The following PIP4K2A variants were observed in gnomAD, a reference collection of about 807,000 sequenced individuals.
The protein encoded by PIP4K2A is phosphatidylinositol-5-phosphate 4-kinase type 2 alpha, also known as phosphatidylinositol 5-phosphate 4-kinase type-2 alpha.
Under a neutral mutation model 42.9 loss-of-function variants are expected in PIP4K2A, and 14 were observed. That is an observed-to-expected ratio of 0.33 (90% CI 0.22 to 0.51). PIP4K2A has a LOEUF of 0.51. Ranked by LOEUF, PIP4K2A falls within the 20% of genes least tolerant of loss-of-function variation. The pLI is 0.97. For synonymous variants in PIP4K2A, 192 were observed against 192.2 expected (o/e 1.00, Z 0.01); for missense variants, 434 against 519.8 (o/e 0.83, Z 1.61).
chr10:22,707,490 C>G (rs2130926198), intron 1 of PIP4K2A, among the ~76,000 whole-genome samples: 1 of 152,330 alleles, frequency 6.6e-6, no homozygotes, highest in East Asian at 1.9e-4. Flanking sequence ...CAATGATTTT[C>G]TTTCTATGAA....
intron 1 of PIP4K2A, among the ~76,000 whole-genome samples, chr10:22,641,307 A>G (rs1214985039): frequency 3.3e-5 from 5 of 152,222 alleles, no homozygotes; most frequent in Admixed American, 3.3e-4. Context: ...CTGGCTTAAC[A>G]AGGCCACTCT....
At chr10:22,568,213 C>G (rs1836896624) in intron 5 of PIP4K2A, among the ~76,000 whole-genome samples, 1 of 152,242 alleles carries the variant, frequency 6.6e-6, no homozygotes, top group African/African-American at 2.4e-5. Context: ...TTACTCAACA[C>G]TGGATCAGCC....
intron 1 of PIP4K2A, among the ~76,000 whole-genome samples, chr10:22,644,042 C>T (rs1033732011): frequency 3.3e-5 from 5 of 152,188 alleles, no homozygotes; most frequent in Admixed American, 2.6e-4. Flanking sequence ...TAATCACCAT[C>T]CCCAGCTGGA....
chr10:22,579,467 C>T (rs192567371), intron 4 of PIP4K2A, among the ~76,000 whole-genome samples: 4 of 152,316 alleles, frequency 2.6e-5, no homozygotes, highest in East Asian at 1.9e-4. Context: ...CACAGAGTCA[C>T]GTGCACAACA....
chr10:22,640,608 G>T (rs537045406), intron 1 of PIP4K2A, among the ~76,000 whole-genome samples: 144 of 152,314 alleles, frequency 9.5e-4, no homozygotes, highest in Non-Finnish European at 1.9e-3. Flanking sequence ...GGGATTGCCT[G>T]TCCTCTGTGT....
intron 1 of PIP4K2A, among the ~76,000 whole-genome samples, chr10:22,701,241 G>C (rs759976591): frequency 3.3e-5 from 5 of 152,220 alleles, no homozygotes. Context: ...ATGTAATGGA[G>C]AGTGTGAATG....
intron 3 of PIP4K2A, among the ~76,000 whole-genome samples, chr10:22,605,894 T>C (rs886535742): frequency 7.9e-5 from 12 of 151,978 alleles, no homozygotes; most frequent in African/African-American, 2.9e-4. Context: ...TCTTTAAATT[T>C]AGTAATGGTT....
At chr10:22,584,090 G>A (rs1024570332) in intron 4 of PIP4K2A, among the ~76,000 whole-genome samples, 1 of 152,226 alleles carries the variant, frequency 6.6e-6, no homozygotes, top group Admixed American at 6.5e-5. Flanking sequence ...GGTTGGGCAA[G>A]TCACTGTGTG....
chr10:22,689,989 GA>G (rs143016223), intron 1 of PIP4K2A, among the ~76,000 whole-genome samples: 4,916 of 150,618 alleles, frequency 0.033, 255 homozygotes, highest in African/African-American at 0.11. Flanking sequence ...CCTGCAGGGG[GA>G]AAAAAAAATC....
At chr10:22,573,840 C>G (rs888775498) in intron 4 of PIP4K2A, among the ~76,000 whole-genome samples, 1 of 152,244 alleles carries the variant, frequency 6.6e-6, no homozygotes, top group African/African-American at 2.4e-5. Flanking sequence ...AAGGCTGAGG[C>G]AGAGCAACCT....
chr10:22,643,245 T>C (rs1015314865), intron 1 of PIP4K2A, among the ~76,000 whole-genome samples: 2 of 152,112 alleles, frequency 1.3e-5, no homozygotes, highest in Non-Finnish European at 2.9e-5. Flanking sequence ...CTACATCCTA[T>C]GGGCAAATCT....
intron 1 of PIP4K2A, among the ~76,000 whole-genome samples, chr10:22,696,556 T>C (rs1159086817): frequency 6.6e-6 from 1 of 152,176 alleles, no homozygotes; most frequent in Admixed American, 6.5e-5. Context: ...CTTTTTTCAA[T>C]CTTGCAGACA....
intron 6 of PIP4K2A, among the ~76,000 whole-genome samples, chr10:22,558,126 T>C (rs771268415): frequency 1.3e-5 from 2 of 152,254 alleles, no homozygotes; most frequent in Non-Finnish European, 2.9e-5. Flanking sequence ...TTTGATACGC[T>C]GTCACTGTGA....
intron 6 of PIP4K2A, among the ~76,000 whole-genome samples, chr10:22,558,848 TAA>T (rs368593929): frequency 1.6e-3 from 247 of 152,342 alleles, no homozygotes; most frequent in African/African-American, 5.0e-3. Flanking sequence ...GGAGAAGCGT[TAA>T]GTTATAACTG....
chr10:22,623,367 C>T (rs764326432), intron 1 of PIP4K2A, among the ~76,000 whole-genome samples: 8 of 152,088 alleles, frequency 5.3e-5, no homozygotes, highest in South Asian at 2.1e-4. Context: ...AAAGTGCTCA[C>T]GAAGGAAGCG....
intron 1 of PIP4K2A, among the ~76,000 whole-genome samples, chr10:22,635,260 T>G (rs1386347190): frequency 1.3e-5 from 2 of 152,132 alleles, no homozygotes; most frequent in Non-Finnish European, 2.9e-5. Context: ...GACAATGAAA[T>G]GTTATGGCAG....
At position 22,627,588 on chromosome 10, in the gene PIP4K2A, TAATAAAAAAAAAAAAA is replaced by T. The variant is rs1375110268; in HGVS notation, c.145-17887_145-17872del. The stretch of plus-strand genomic sequence containing the variant: ...ATTTGTTTAACCAAAAGCTAATATG[TAATAAAAAAAAAAAAA>T]AAAAAAAAAAAAAAAAAAAAAAAAA... On this transcript the variant is annotated intron_variant, in intron 1 of 9. Transcript: ENST00000376573. Among the ~76,000 whole-genome samples the T allele has an allele frequency of 5.2e-3, 203 of 38,916 alleles. 5 individuals are homozygous for T. The highest frequency in any genetic ancestry group is 0.014 in the African/African-American group (190 of 13,740). The allele number at this position is 38,916 out of a possible 152,430, so 25.5% of individuals were successfully genotyped here.
intron 1 of PIP4K2A, among the ~76,000 whole-genome samples, chr10:22,665,321 A>G (rs981954761): frequency 6.6e-6 from 1 of 152,236 alleles, no homozygotes; most frequent in African/African-American, 2.4e-5. Flanking sequence ...GCCTTTTCCT[A>G]AACTACATCA....
chr10:22,667,908 T>C (rs1839379482), intron 1 of PIP4K2A, among the ~76,000 whole-genome samples: 2 of 121,668 alleles, frequency 1.6e-5, no homozygotes, highest in African/African-American at 6.1e-5. Flanking sequence ...TGTGTGTGTG[T>C]GTGTGTGTAG....
Sources: gnomAD v4.1 joint callset for allele counts (sites outside exome capture counted in the v4.1 genomes callset) on GRCh38, gnomAD v4.1.1 for gene constraint, MANE v1.5 for transcripts, NCBI Gene and HGNC (gene_info 2026-07-23, HGNC 2026-07-21) for gene names.